DENND1B: variants seen among roughly 807,000 people sequenced by gnomAD.
The protein encoded by DENND1B is DENN domain-containing protein 1B.
A neutral mutation model predicts 90.1 loss-of-function variants in DENND1B; 59 were observed. That is an observed-to-expected ratio of 0.65 (90% CI 0.53 to 0.81). DENND1B has a LOEUF of 0.81. Among genes scored for constraint, DENND1B ranks in the 40% least tolerant of loss-of-function variants. The pLI, the probability that DENND1B is intolerant of heterozygous loss-of-function variation, is 0.00. For missense variants in DENND1B, 862 were observed against 912.6 expected (o/e 0.94, Z 0.71); for synonymous variants, 337 against 324.6 (o/e 1.04, Z -0.41).
chr1:197,735,086 C>T, intron 2 of DENND1B: 1 of 970,028 alleles, frequency 1.0e-6, no homozygotes, highest in Non-Finnish European at 1.2e-6. Flanking sequence ...TTTCATAAAA[C>T]AATAATATGC....
At chr1:197,610,168 C>A (rs1216945119) in intron 12 of DENND1B, among the ~76,000 whole-genome samples, 1 of 150,496 alleles carries the variant, frequency 6.6e-6, no homozygotes, top group African/African-American at 2.4e-5. Context: ...TAGATAAGTC[C>A]AGAGTATGAA....
chr1:197,651,446 T>G (rs1367213076), intron 7 of DENND1B, among the ~76,000 whole-genome samples: 1 of 151,906 alleles, frequency 6.6e-6, no homozygotes, highest in Admixed American at 6.6e-5. Context: ...ATATTTCCAG[T>G]ATTTTGTGAT....
Position 197,553,003 on chromosome 1 carries a change from T to G in DENND1B, c.1240+19A>C. The G allele has an allele frequency of 1.9e-6, 3 of 1,569,460 alleles. No homozygotes were observed. The highest frequency in any genetic ancestry group is 2.6e-6 in the Non-Finnish European group (3 of 1,166,250). Reference sequence around the variant, plus strand: ...TTGTTATTGAGAAAATGGATAATCATATTGTAACTTGTCTTTACCTCCACA... The same window carrying G: ...TTGTTATTGAGAAAATGGATAATCAGATTGTAACTTGTCTTTACCTCCACA... On this transcript the variant is annotated intron_variant, in intron 16 of 22. Coordinates refer to ENST00000620048, the MANE Select transcript of DENND1B (RefSeq NM_001195215.2).
chr1:197,542,913 C>T (rs928779798), intron 18 of DENND1B, among the ~76,000 whole-genome samples: 2 of 128,598 alleles, frequency 1.6e-5, no homozygotes, highest in Non-Finnish European at 3.4e-5. Flanking sequence ...AGAGTAGAAA[C>T]CTTTTTTATT....
At chr1:197,536,637 T>G (rs1273549223) in intron 20 of DENND1B, among the ~76,000 whole-genome samples, 1 of 152,110 alleles carries the variant, frequency 6.6e-6, no homozygotes, top group East Asian at 1.9e-4. Flanking sequence ...TATGTGAATC[T>G]AAAACTAAAA....
chr1:197,715,475 A>G (rs984057724), intron 2 of DENND1B, among the ~76,000 whole-genome samples: 1 of 151,878 alleles, frequency 6.6e-6, no homozygotes, highest in Non-Finnish European at 1.5e-5. Context: ...TATGTAATAA[A>G]ATATATTATA....
intron 13 of DENND1B, among the ~76,000 whole-genome samples, chr1:197,598,350 G>GT (rs774558579): frequency 6.6e-6 from 1 of 151,684 alleles, no homozygotes; most frequent in South Asian, 2.1e-4. Context: ...GAAAACAATT[G>GT]TTTTTTAAAA....
intron 20 of DENND1B, among the ~76,000 whole-genome samples, chr1:197,534,897 C>A (rs893152674): frequency 6.6e-6 from 1 of 152,110 alleles, no homozygotes; most frequent in African/African-American, 2.4e-5. Flanking sequence ...ATTTGGTAAT[C>A]ATCATGCGAC....
chr1:197,628,213 G>A lies in DENND1B; in HGVS notation c.673-10454C>T, dbSNP rs9661515. On this transcript the variant is annotated intron_variant, in intron 10 of 22. Coordinates refer to ENST00000620048, the MANE Select transcript of DENND1B (RefSeq NM_001195215.2). ...ATAGAACCAAAAAAGAGCCCGCATC[G>A]CCAAGTCAATCCTAAGCCAAAAGAA... Among the ~76,000 whole-genome samples the A allele has an allele frequency of 5.9e-3, 893 of 152,150 alleles. 11 individuals are homozygous for A. Among genetic ancestry groups the A allele is most frequent in the African/African-American group, 0.019 (806 of 41,524 alleles).
At position 197,702,704 on chromosome 1, in the gene DENND1B, C is replaced by T. The variant is rs144049651; in HGVS notation, c.126+12327G>A. Among the ~76,000 whole-genome samples, 149 of 152,246 alleles carry T rather than the reference C, an allele frequency of 9.8e-4. 1 individual carries two copies. Among genetic ancestry groups the T allele is most frequent in the African/African-American group, 3.4e-3 (142 of 41,544 alleles). On this transcript the variant is annotated intron_variant, in intron 3 of 22. Coordinates refer to ENST00000620048, the MANE Select transcript of DENND1B (RefSeq NM_001195215.2). The stretch of plus-strand genomic sequence containing the variant: ...AAATGTGTTCACTTTTCCTATTTTA[C>T]TAAAACATAAAAGAGATATGGGCAG...
intron 3 of DENND1B, among the ~76,000 whole-genome samples, chr1:197,677,801 C>G (rs917480061): frequency 9.2e-5 from 14 of 152,110 alleles, no homozygotes; most frequent in Non-Finnish European, 1.6e-4. Flanking sequence ...CAAGAAATGA[C>G]ATGGTTGACT....
intron 5 of DENND1B, among the ~76,000 whole-genome samples, chr1:197,658,676 T>C (rs1162440169): frequency 2.0e-5 from 3 of 150,808 alleles, no homozygotes; most frequent in African/African-American, 7.4e-5. Flanking sequence ...AATTAACCAC[T>C]GTAAAAAAAT....
At chr1:197,735,417 A>T (rs528637463) in intron 2 of DENND1B, 2 of 1,339,612 alleles carry the variant, frequency 1.5e-6, no homozygotes, top group South Asian at 3.2e-5. Flanking sequence ...ATTCACTGTT[A>T]AAAAAAAATA....
At chr1:197,740,300 G>C (rs1663096196) in intron 2 of DENND1B, among the ~76,000 whole-genome samples, 1 of 152,182 alleles carries the variant, frequency 6.6e-6, no homozygotes. Context: ...GAGAGCAAGG[G>C]AGAAAAGTGG....
chr1:197,777,798 A>G (rs1657337997), upstream of DENND1B, among the ~76,000 whole-genome samples: 1 of 151,978 alleles, frequency 6.6e-6, no homozygotes, highest in Non-Finnish European at 1.5e-5. Context: ...TTAATTTCTT[A>G]TTAATTAATT....
intron 5 of DENND1B, among the ~76,000 whole-genome samples, chr1:197,668,241 G>A (rs1655138819): frequency 6.6e-6 from 1 of 151,934 alleles, no homozygotes; most frequent in African/African-American, 2.4e-5. Flanking sequence ...AACTGTTGCT[G>A]CATTATTCAT....
At chr1:197,770,912 A>G (rs1656508211) in intron 2 of DENND1B, among the ~76,000 whole-genome samples, 1 of 143,426 alleles carries the variant, frequency 7.0e-6, no homozygotes. Flanking sequence ...ATATCTATAT[A>G]GATTTTTTTT....
intron 2 of DENND1B, among the ~76,000 whole-genome samples, chr1:197,737,301 G>A (rs1486042244): frequency 1.3e-5 from 2 of 152,146 alleles, no homozygotes; most frequent in Admixed American, 6.5e-5. Flanking sequence ...ACTTTCAGAT[G>A]CATAACAATC....
intron 15 of DENND1B, among the ~76,000 whole-genome samples, chr1:197,566,612 C>T (rs1379903009): frequency 6.6e-6 from 1 of 152,026 alleles, no homozygotes; most frequent in Admixed American, 6.6e-5. Flanking sequence ...TAGGGAATCA[C>T]TCATCAACTT....
Sources: gnomAD v4.1 joint callset for allele counts (sites outside exome capture counted in the v4.1 genomes callset) on GRCh38, gnomAD v4.1.1 for gene constraint, MANE v1.5 for transcripts, NCBI Gene and HGNC (gene_info 2026-07-23, HGNC 2026-07-21) for gene names.